Variants in LHFPL2 observed in about 807,000 individuals in gnomAD.
LHFPL2 encodes LHFPL tetraspan subfamily member 2.
LHFPL2 carries 7 observed loss-of-function variants against 17.5 expected under a neutral mutation model. The ratio of observed to expected loss-of-function variants is 0.40; its 90% CI spans 0.23 to 0.75. The LOEUF is 0.75. Among genes scored for constraint, LHFPL2 ranks in the 30% least tolerant of loss-of-function variants. The pLI is 0.37. For missense variants in LHFPL2, 241 were observed against 294.8 expected (o/e 0.82, Z 1.34); for synonymous variants, 134 against 116.2 (o/e 1.15, Z -0.99).
intron 3 of LHFPL2, among the ~76,000 whole-genome samples, chr5:78,511,764 T>C (rs879688509): frequency 5.3e-5 from 8 of 152,232 alleles, no homozygotes; most frequent in Non-Finnish European, 1.0e-4. Flanking sequence ...TGAAACATGA[T>C]GTATTTTAAA....
intron 3 of LHFPL2, among the ~76,000 whole-genome samples, chr5:78,552,851 C>A (rs1756482880): frequency 6.6e-6 from 1 of 152,294 alleles, no homozygotes; most frequent in South Asian, 2.1e-4. Flanking sequence ...TTCAACAAAG[C>A]GTCACGGGCT....
chr5:78,627,470 CACT>C (rs1443031800), intron 2 of LHFPL2, among the ~76,000 whole-genome samples: 12 of 152,248 alleles, frequency 7.9e-5, no homozygotes, highest in African/African-American at 2.4e-4. Context: ...TGTTTCTCAC[CACT>C]ACTTCTCTCT....
intron 4 of LHFPL2, among the ~76,000 whole-genome samples, chr5:78,505,479 GA>G (rs1470032138): frequency 2.0e-5 from 3 of 152,172 alleles, no homozygotes; most frequent in Non-Finnish European, 4.4e-5. Context: ...GGAGGGGGAG[GA>G]AGGAGCTCTG....
chr5:78,638,754 T>C (rs1008139748), intron 1 of LHFPL2, among the ~76,000 whole-genome samples: 1 of 152,134 alleles, frequency 6.6e-6, no homozygotes, highest in Non-Finnish European at 1.5e-5. Flanking sequence ...ACGGGCTGCA[T>C]GTATCAAAGA....
chr5:78,546,538 G>C (rs971998308), intron 3 of LHFPL2, among the ~76,000 whole-genome samples: 41 of 152,188 alleles, frequency 2.7e-4, no homozygotes, highest in Non-Finnish European at 4.4e-4. Flanking sequence ...TAGAAACAGT[G>C]ATCAACAAAT....
At chr5:78,503,946 A>G (rs1234288291) in intron 4 of LHFPL2, among the ~76,000 whole-genome samples, 2 of 152,212 alleles carry the variant, frequency 1.3e-5, no homozygotes, top group African/African-American at 4.8e-5. Context: ...GTCTCTGCAC[A>G]TAGTAGGCAT....
chr5:78,498,072 G>A (rs1397786992), intron 4 of LHFPL2, among the ~76,000 whole-genome samples: 1 of 152,168 alleles, frequency 6.6e-6, no homozygotes, highest in Non-Finnish European at 1.5e-5. Flanking sequence ...AGAAGACAAA[G>A]GATACGTGGG....
At chr5:78,552,645 A>G (rs550970071) in intron 3 of LHFPL2, among the ~76,000 whole-genome samples, 1 of 152,358 alleles carries the variant, frequency 6.6e-6, no homozygotes, top group South Asian at 2.1e-4. Flanking sequence ...CACTAATGCT[A>G]TGAGAGAACT....
Position 78,602,875 on chromosome 5 carries a change from G to GGTTTGGTTTT in LHFPL2, c.-245+29388_-245+29389insAAAACCAAAC, listed in dbSNP as rs139331214. ...CTTACTACCACCCACAATGAGGTAG[G>GGTTTGGTTTT]GTTTTGTTTTGTTTTGTTTTGTTTT... On this transcript the variant is annotated intron_variant, in intron 2 of 4. Transcript: ENST00000380345. Among the ~76,000 whole-genome samples the GGTTTGGTTTT allele has an allele frequency of 1.1e-4, 16 of 150,050 alleles. No homozygotes were observed. In the East Asian group the frequency reaches 2.0e-3, roughly 18 times the overall value.
chr5:78,529,155 A>T (rs1213189446), intron 3 of LHFPL2, among the ~76,000 whole-genome samples: 1 of 152,034 alleles, frequency 6.6e-6, no homozygotes, highest in African/African-American at 2.4e-5. Context: ...ACATGGTGGC[A>T]TGCGCCTGTA....
intron 1 of LHFPL2, among the ~76,000 whole-genome samples, chr5:78,632,582 A>T (rs1263914306): frequency 6.6e-6 from 1 of 152,120 alleles, no homozygotes; most frequent in East Asian, 1.9e-4. Context: ...CCAGGTAGCT[A>T]ACCTACCTGT....
intron 4 of LHFPL2, among the ~76,000 whole-genome samples, chr5:78,505,785 C>A (rs1042475599): frequency 1.3e-5 from 2 of 152,226 alleles, no homozygotes; most frequent in East Asian, 3.8e-4. Context: ...TCTATAGCTA[C>A]CATTTATTAT....
chr5:78,598,097 C>T (rs548404852), intron 2 of LHFPL2, among the ~76,000 whole-genome samples: 8 of 152,292 alleles, frequency 5.3e-5, no homozygotes, highest in Admixed American at 2.0e-4. Context: ...GGCCTGGGTT[C>T]CCACCCCATG....
chr5:78,600,844 AG>A (rs991623652), intron 2 of LHFPL2, among the ~76,000 whole-genome samples: 2 of 152,244 alleles, frequency 1.3e-5, no homozygotes, highest in African/African-American at 4.8e-5. Flanking sequence ...CTAAAGTCAA[AG>A]GTTCTGGCTG....
At chr5:78,508,761 TG>T (rs1171543346) in intron 4 of LHFPL2, among the ~76,000 whole-genome samples, 1 of 152,248 alleles carries the variant, frequency 6.6e-6, no homozygotes, top group African/African-American at 2.4e-5. Context: ...ATGAATCACC[TG>T]TGCCCTTCAT....
At chr5:78,644,571 A>G in intron 1 of LHFPL2, 1 of 495,616 alleles carries the variant, frequency 2.0e-6, no homozygotes. Flanking sequence ...TCTTGGGTAC[A>G]TTGGGATCCT....
chr5:78,538,895 C>T (rs1390390811), intron 3 of LHFPL2, among the ~76,000 whole-genome samples: 1 of 152,192 alleles, frequency 6.6e-6, no homozygotes, highest in Non-Finnish European at 1.5e-5. Context: ...ACCAACCACA[C>T]ACCAGAAAGC....
At chr5:78,644,578 TC>T in intron 1 of LHFPL2, 1 of 472,692 alleles carries the variant, frequency 2.1e-6, no homozygotes, top group Non-Finnish European at 3.9e-6. Flanking sequence ...TACATTGGGA[TC>T]CTCGAACTTC....
intron 2 of LHFPL2, among the ~76,000 whole-genome samples, chr5:78,618,334 A>G (rs1246916473): frequency 3.9e-5 from 6 of 152,198 alleles, no homozygotes; most frequent in Non-Finnish European, 2.9e-5. Context: ...ACAAGTTTTA[A>G]TGGTGTCTCA....
Sources: gnomAD v4.1 joint callset for allele counts (sites outside exome capture counted in the v4.1 genomes callset) on GRCh38, gnomAD v4.1.1 for gene constraint, MANE v1.5 for transcripts, NCBI Gene and HGNC (gene_info 2026-07-23, HGNC 2026-07-21) for gene names.